Variants in ARHGAP26 observed in about 807,000 individuals in gnomAD.
The protein encoded by ARHGAP26 is Rho GTPase activating protein 26, also known as rho GTPase-activating protein 26.
Under a neutral mutation model 104.8 loss-of-function variants are expected in ARHGAP26, and 38 were observed. The ratio of observed to expected loss-of-function variants is 0.36; its 90% confidence interval spans 0.28 to 0.48. The LOEUF (loss-of-function observed/expected upper bound fraction) is 0.48, where lower values mean the gene tolerates loss of function less well. Ranked by LOEUF, ARHGAP26 falls within the 20% of genes least tolerant of loss-of-function variation. The pLI, the probability that ARHGAP26 is intolerant of heterozygous loss-of-function variation, is 0.99. For synonymous variants in ARHGAP26, 341 were observed against 340.0 expected, an observed-to-expected ratio of 1.00 and a Z score of -0.03; for missense variants, 704 against 947.9, an observed-to-expected ratio of 0.74 and a Z score of 3.38.
At chr5:143,017,065 A>G (rs1779688913) in intron 12 of ARHGAP26, among the ~76,000 whole-genome samples, 4 of 152,238 alleles carry the variant, frequency 2.6e-5, no homozygotes, top group South Asian at 4.1e-4. Flanking sequence ...TCTGATATGA[A>G]TTTAAGAGTG....
intron 18 of ARHGAP26, among the ~76,000 whole-genome samples, chr5:143,123,018 G>A (rs1796317446): frequency 6.6e-6 from 1 of 152,190 alleles, no homozygotes; most frequent in Non-Finnish European, 1.5e-5. Context: ...TGTGCTTCAG[G>A]AAAGCAGGGA....
intron 12 of ARHGAP26, among the ~76,000 whole-genome samples, chr5:143,020,567 C>T (rs1562274170): frequency 6.6e-6 from 1 of 151,838 alleles, no homozygotes; most frequent in African/African-American, 2.4e-5. Context: ...ACACTTCCTC[C>T]TCTTTGCATC....
chr5:142,968,995 A>G (rs1293847647), intron 11 of ARHGAP26, among the ~76,000 whole-genome samples: 1 of 152,210 alleles, frequency 6.6e-6, no homozygotes, highest in Non-Finnish European at 1.5e-5. Flanking sequence ...GCAGTGGCGC[A>G]CTCATGGCTC....
At chr5:143,190,540 T>C (rs1399919855) in intron 20 of ARHGAP26, among the ~76,000 whole-genome samples, 11 of 150,938 alleles carry the variant, frequency 7.3e-5, no homozygotes, top group African/African-American at 2.7e-4. Flanking sequence ...TCTTCTCAAA[T>C]GAAAGTGAAA....
At chr5:142,963,200 G>GTATATATATA (rs1409082862) in intron 11 of ARHGAP26, among the ~76,000 whole-genome samples, 6,786 of 91,890 alleles carry the variant, frequency 0.074, 495 homozygotes, top group East Asian at 0.41. Flanking sequence ...ATATATATAT[G>GTATATATATA]TGTGTGTGTG....
At chr5:142,851,354 C>T (rs1023632401) in intron 1 of ARHGAP26, among the ~76,000 whole-genome samples, 3 of 152,220 alleles carry the variant, frequency 2.0e-5, no homozygotes, top group Non-Finnish European at 4.4e-5. Flanking sequence ...GCCTCGGCCT[C>T]CCAAAGTGCT....
At chr5:142,798,559 T>C (rs1052514214) in intron 1 of ARHGAP26, among the ~76,000 whole-genome samples, 1 of 152,178 alleles carries the variant, frequency 6.6e-6, no homozygotes, top group Non-Finnish European at 1.5e-5. Flanking sequence ...TTGTGTAGCA[T>C]TTTAGGAAGT....
intron 20 of ARHGAP26, among the ~76,000 whole-genome samples, chr5:143,173,615 G>T (rs557219913): frequency 2.0e-5 from 3 of 152,308 alleles, no homozygotes; most frequent in East Asian, 1.9e-4. Context: ...GGTGGGTATT[G>T]TTTTCCCATT....
intron 20 of ARHGAP26, among the ~76,000 whole-genome samples, chr5:143,187,772 CAG>C (rs1009904284): frequency 5.3e-5 from 8 of 152,224 alleles, no homozygotes; most frequent in Admixed American, 3.9e-4. Flanking sequence ...GAGTCAGTGA[CAG>C]GGGAGTGTCC....
At position 143,214,060 on chromosome 5, in the gene ARHGAP26, G is replaced by A. The variant is rs76863574; in HGVS notation, c.2163G>A (p.Ser721=). 2,030 of 1,562,094 alleles carry A rather than the reference G, an allele frequency of 1.3e-3. 14 individuals carry two copies. In the African/African-American group the frequency reaches 0.025, roughly 19 times the overall value. ...ACKAEHDSEL[S]FTAGTVFDNV... ...AAGCTGAACATGACTCAGAACTTTCGTTCACAGCAGGCACGGTCTTCGATA... is the reference window on the plus strand; with the variant it reads ...AAGCTGAACATGACTCAGAACTTTCATTCACAGCAGGCACGGTCTTCGATA... The change falls in exon 22 of 23, where the codon TCG becomes TCA. Residue 721 remains serine (S), a synonymous_variant. Coordinates refer to ENST00000645722, the MANE Select transcript of ARHGAP26 (RefSeq NM_001135608.3).
intron 10 of ARHGAP26, among the ~76,000 whole-genome samples, chr5:142,927,029 G>A (rs1764010781): frequency 6.6e-6 from 1 of 152,082 alleles, no homozygotes; most frequent in South Asian, 2.1e-4. Flanking sequence ...TTAAAACATA[G>A]GTAATAAGAG....
intron 11 of ARHGAP26, among the ~76,000 whole-genome samples, chr5:142,946,407 T>A (rs887510023): frequency 1.3e-5 from 2 of 152,162 alleles, no homozygotes; most frequent in African/African-American, 4.8e-5. Flanking sequence ...TGGGCAGTGA[T>A]TTGTGGGAGT....
chr5:142,872,201 C>CA (rs1245329956), intron 1 of ARHGAP26, among the ~76,000 whole-genome samples: 4 of 152,002 alleles, frequency 2.6e-5, no homozygotes, highest in African/African-American at 9.7e-5. Context: ...GGAAACAAAC[C>CA]AAAACAAACA....
At chr5:143,141,551 AC>A (rs1018116887) in intron 19 of ARHGAP26, among the ~76,000 whole-genome samples, 1 of 152,222 alleles carries the variant, frequency 6.6e-6, no homozygotes, top group African/African-American at 2.4e-5. Flanking sequence ...GTTATTAAAA[AC>A]AAAACTCCCT....
chr5:142,987,474 C>T (rs996620820), intron 11 of ARHGAP26, among the ~76,000 whole-genome samples: 7 of 151,970 alleles, frequency 4.6e-5, no homozygotes, highest in African/African-American at 1.7e-4. Context: ...TTTCCTAATT[C>T]AATACCTTTT....
At chr5:142,830,463 A>T (rs1446604667) in intron 1 of ARHGAP26, among the ~76,000 whole-genome samples, 1 of 152,118 alleles carries the variant, frequency 6.6e-6, no homozygotes, top group Non-Finnish European at 1.5e-5. Context: ...CAGGTTTGGG[A>T]TGTTTCTGAC....
At chr5:142,806,947 A>G (rs1763101833) in intron 1 of ARHGAP26, among the ~76,000 whole-genome samples, 1 of 152,198 alleles carries the variant, frequency 6.6e-6, no homozygotes, top group African/African-American at 2.4e-5. Flanking sequence ...GAGGGCTTTG[A>G]TATAGAACAG....
In ARHGAP26 at chr5:143,225,932, A is replaced by G. The variant is rs1033264324; in HGVS notation, c.*3486A>G. On this transcript the variant is annotated 3_prime_UTR_variant, in exon 23 of 23. Transcript: ENST00000645722. ...ATGAGTAGGAAGGAACTTGAAGACT[A>G]AAGATTTTACTCTCTCCCCTATCCA... is the stretch of plus-strand genomic sequence containing the variant. 9 of 220,730 alleles carry G rather than the reference A, an allele frequency of 4.1e-5. No homozygotes were observed. Among genetic ancestry groups the G allele is most frequent in the South Asian group, 1.8e-4 (1 of 5,432 alleles). The allele number at this position is 220,730 out of a possible 1,614,324, so 13.7% of individuals were successfully genotyped here. A position where few individuals can be genotyped will look rare whatever the true frequency, so the allele number is the denominator to read the frequency against.
At chr5:142,971,757 C>G (rs554612641) in intron 11 of ARHGAP26, among the ~76,000 whole-genome samples, 21 of 152,288 alleles carry the variant, frequency 1.4e-4, no homozygotes, top group African/African-American at 4.6e-4. Flanking sequence ...ATACCCTCAA[C>G]TTTTTCAATT....
Sources: allele counts gnomAD v4.1 joint callset (sites outside exome capture counted in the v4.1 genomes callset), GRCh38; gene constraint gnomAD v4.1.1; transcripts MANE v1.5; gene names NCBI Gene and HGNC (gene_info 2026-07-23, HGNC 2026-07-21).